Variants in ERG28 observed in about 807,000 individuals in gnomAD.
ERG28 encodes the protein ergosterol biosynthetic protein 28 homolog.
ERG28 carries 9 observed loss-of-function variants against 15.7 expected under a neutral mutation model. That is an observed-to-expected ratio of 0.57 (90% CI 0.35 to 1.00). The LOEUF (loss-of-function observed/expected upper bound fraction) is 1.00. Ranked by LOEUF, ERG28 falls within the 50% of genes least tolerant of loss-of-function variation. The pLI is 0.02. For synonymous variants in ERG28, 61 were observed against 68.4 expected (o/e 0.89, Z 0.53); for missense variants, 117 against 173.3 (o/e 0.68, Z 1.82).
In ERG28 at chr14:75,660,797, A is replaced by C. The variant is rs929529642; in HGVS notation, c.-54T>G. ...TACCTGGCGACCGGGCCCCCAGCAC[A>C]GCAGTGGCAGCAGCAGCCGCTGCCG... On this transcript the variant is annotated 5_prime_UTR_variant, in exon 1 of 5. Coordinates refer to ENST00000256319, the MANE Select transcript of ERG28 (RefSeq NM_007176.4). 1 of 152,876 alleles carries C rather than the reference A, an allele frequency of 6.5e-6. No individual in the cohort carries two copies. The highest frequency in any genetic ancestry group is 1.5e-5 in the Non-Finnish European group (1 of 68,722). 9.5% of individuals were successfully genotyped at this position (152,876 alleles called of 1,614,324 possible).
Position 75,657,469 on chromosome 14 carries a change from G to A in ERG28, c.34C>T (p.Leu12=). The change falls in exon 2 of 5, where the codon CTG becomes TTG. Residue 12 remains leucine, a synonymous_variant. Transcript: ENST00000256319. ...SRFLNVLRSW[L]VMVSIIAMGN... ...ATGGCTATGATGGACACCATAACCA[G>A]CCAACTTCTTAACACATTCAGGAAA... 1.2e-6 allele frequency: 2 copies of A among 1,614,100 alleles called. No homozygotes were observed. The highest frequency in any genetic ancestry group is 1.7e-6 in the Non-Finnish European group (2 of 1,179,992).
At position 75,650,389 on chromosome 14, in the gene ERG28, T is replaced by G. The variant is rs1435054939; in HGVS notation, c.*1166A>C. ...GTGTCGTTCATTTCTCTTTCCCAAG[T>G]GTCCGGCATGGAGAAGTACTCAACA... On this transcript the variant is annotated 3_prime_UTR_variant, in exon 5 of 5. Transcript: ENST00000256319. 2 of 152,262 alleles carry G rather than the reference T, an allele frequency of 1.3e-5. No homozygotes were observed. The highest frequency in any genetic ancestry group is 2.9e-5 in the Non-Finnish European group (2 of 68,060). 9.4% of individuals were successfully genotyped at this position (152,262 alleles called of 1,614,324 possible). A position where few individuals can be genotyped will look rare whatever the true frequency, so the allele number is the denominator to read the frequency against.
rs1175199399 is a variant in ERG28 at position 75,650,397 on chromosome 14, A to G, written c.*1158T>C. On this transcript the variant is annotated 3_prime_UTR_variant, in exon 5 of 5. Transcript: ENST00000256319. ...CATTTCTCTTTCCCAAGTGTCCGGC[A>G]TGGAGAAGTACTCAACAAATATTTG... is the stretch of plus-strand genomic sequence containing the variant. The G allele has an allele frequency of 6.6e-6, 1 of 152,264 alleles. No individual in the cohort carries two copies. The highest frequency in any genetic ancestry group is 1.5e-5 in the Non-Finnish European group (1 of 68,074). 9.4% of individuals were successfully genotyped at this position (152,264 alleles called of 1,614,324 possible).
Position 75,650,335 on chromosome 14 carries a change from A to G in ERG28, c.*1220T>C, listed in dbSNP as rs1271003392. On this transcript the variant is annotated 3_prime_UTR_variant, in exon 5 of 5. Coordinates refer to ENST00000256319, the MANE Select transcript of ERG28 (RefSeq NM_007176.4). ...TTGATTCTGTTACCTTGACTATAAT[A>G]TAAGGCCCACAGGGCAGGGGCATTG... 6.6e-6 allele frequency: 1 copy of G among 152,244 alleles called. No individual in the cohort carries two copies. The highest frequency in any genetic ancestry group is 2.4e-5 in the African/African-American group (1 of 41,458). The allele number at this position is 152,244 out of a possible 1,614,324, so 9.4% of individuals were successfully genotyped here.
chr14:75,657,296 C>T, intron 2 of ERG28, 74 bp downstream of exon 2: 3 of 1,537,790 alleles, frequency 2.0e-6, no homozygotes, highest in South Asian at 1.2e-5. Context: ...GATGTACAGC[C>T]TGGTTTGGGA....
intron 3 of ERG28, among the ~76,000 whole-genome samples, chr14:75,653,315 C>G (rs943194459): frequency 6.6e-6 from 1 of 151,808 alleles, no homozygotes; most frequent in Non-Finnish European, 1.5e-5. Context: ...AAAGATAAGT[C>G]TGGGTCAGGC....
chr14:75,658,101 A>G (rs1319822782), intron 1 of ERG28, among the ~76,000 whole-genome samples: 2 of 152,196 alleles, frequency 1.3e-5, no homozygotes. Context: ...GACCCCAGAA[A>G]AATCCTAAAA....
intron 3 of ERG28, among the ~76,000 whole-genome samples, chr14:75,654,284 T>C (rs1223137320): frequency 6.6e-6 from 1 of 152,158 alleles, no homozygotes; most frequent in African/African-American, 2.4e-5. Context: ...ACCTAGAGTG[T>C]GATGATGACT....
intron 4 of ERG28, 29 bp from the exon 5 acceptor site, chr14:75,651,663 A>G: frequency 6.2e-7 from 1 of 1,603,982 alleles, no homozygotes; most frequent in Non-Finnish European, 8.5e-7. Context: ...ACTAGTGACT[A>G]ACATACATAC....
chr14:75,657,033 T>C (rs1455460445), intron 2 of ERG28, among the ~76,000 whole-genome samples: 1 of 151,924 alleles, frequency 6.6e-6, no homozygotes, highest in African/African-American at 2.4e-5. Flanking sequence ...TTTTTTTTTT[T>C]TTTTAAATAC....
intron 1 of ERG28, among the ~76,000 whole-genome samples, chr14:75,659,683 C>A (rs1306972757): frequency 6.6e-6 from 1 of 151,794 alleles, no homozygotes; most frequent in East Asian, 1.9e-4. Context: ...TTTTCCCATC[C>A]TCATTATTAT....
rs1037566991 is a variant in ERG28 at position 75,650,883 on chromosome 14, C to A, written c.*672G>T. On this transcript the variant is annotated 3_prime_UTR_variant, in exon 5 of 5. Transcript: ENST00000256319. ...TCTTGTCTTAGCAGAGGTCAAAGTA[C>A]AAGAACTGATCAGAGCAGAGGGTTT... The A allele has an allele frequency of 6.6e-6, 1 of 152,418 alleles. No homozygotes were observed. Among genetic ancestry groups the A allele is most frequent in the Non-Finnish European group, 1.5e-5 (1 of 68,178 alleles). The allele number at this position is 152,418 out of a possible 1,614,324, so 9.4% of individuals were successfully genotyped here. A position where few individuals can be genotyped will look rare whatever the true frequency, so the allele number is the denominator to read the frequency against.
chr14:75,656,323 C>CAT (rs71303887), intron 2 of ERG28, among the ~76,000 whole-genome samples: 1 of 140,340 alleles, frequency 7.1e-6, no homozygotes, highest in Non-Finnish European at 1.6e-5. Context: ...CACACACACA[C>CAT]ATAAAGTTCT....
At position 75,651,372 on chromosome 14, in the gene ERG28, G is replaced by A; in HGVS notation, c.*183C>T. 1 of 514,532 alleles carries A rather than the reference G, an allele frequency of 1.9e-6. No individual in the cohort carries two copies. The highest frequency in any genetic ancestry group is 3.7e-5 in the South Asian group (1 of 27,138). 31.9% of individuals were successfully genotyped at this position (514,532 alleles called of 1,614,324 possible). A position where few individuals can be genotyped will look rare whatever the true frequency, so the allele number is the denominator to read the frequency against. On this transcript the variant is annotated 3_prime_UTR_variant, in exon 5 of 5. Coordinates refer to ENST00000256319, the MANE Select transcript of ERG28 (RefSeq NM_007176.4). ...TCACTTTAAAATTATTCTTTAAATTGTACGTACATGTTATATACTTTTCAG... is the reference window on the plus strand; with the variant it reads ...TCACTTTAAAATTATTCTTTAAATTATACGTACATGTTATATACTTTTCAG...
chr14:75,655,220 C>G (rs1055573835), intron 2 of ERG28, among the ~76,000 whole-genome samples: 2 of 152,142 alleles, frequency 1.3e-5, no homozygotes, highest in African/African-American at 2.4e-5. Context: ...AGAGTGGAAA[C>G]CCACAAAGAG....
chr14:75,654,541 G>A (rs1298184081), intron 3 of ERG28, among the ~76,000 whole-genome samples: 1 of 152,204 alleles, frequency 6.6e-6, no homozygotes, highest in Non-Finnish European at 1.5e-5. Flanking sequence ...TGTGAGAAAG[G>A]TATGTGTGGG....
chr14:75,660,750 C>T (rs1890681250), intron 1 of ERG28, 25 bp downstream of exon 1: 1 of 152,470 alleles, frequency 6.6e-6, no homozygotes, highest in Non-Finnish European at 1.5e-5. Flanking sequence ...ACCTACATCC[C>T]TCTTCTCCCC....
At chr14:75,656,605 C>G (rs1004450076) in intron 2 of ERG28, among the ~76,000 whole-genome samples, 1 of 152,194 alleles carries the variant, frequency 6.6e-6, no homozygotes, top group African/African-American at 2.4e-5. Flanking sequence ...CGAGCTAGGT[C>G]AGAGCCTGAA....
chr14:75,657,404 G>A lies in ERG28; in HGVS notation c.99C>T (p.Leu33=). 6.2e-7 allele frequency: 1 copy of A among 1,613,546 alleles called. No individual in the cohort carries two copies. Among genetic ancestry groups the A allele is most frequent in the South Asian group, 1.1e-5 (1 of 91,020 alleles). Reference sequence around the variant, plus strand: ...GCTTGCCAGTGTAGAGCTTTTCATAGAGAAAAGTGTGGTCTCGGAAGCTCT... The same window carrying A: ...GCTTGCCAGTGTAGAGCTTTTCATAAAGAAAAGTGTGGTCTCGGAAGCTCT... ...TLQSFRDHTF[L]YEKLYTGKPN... Residue 33 remains leucine, a synonymous_variant, in exon 2 of 5, where the codon CTC becomes CTT. Transcript: ENST00000256319.
Sources: allele counts gnomAD v4.1 joint callset (sites outside exome capture counted in the v4.1 genomes callset), GRCh38; gene constraint gnomAD v4.1.1; transcripts MANE v1.5; gene names NCBI Gene and HGNC (gene_info 2026-07-23, HGNC 2026-07-21).